The following PPM1E variants were observed in gnomAD, a reference collection of about 807,000 sequenced individuals.
PPM1E encodes the protein protein phosphatase, Mg2+/Mn2+ dependent 1E, also known as protein phosphatase 1E.
PPM1E carries 20 observed loss-of-function variants against 65.9 expected under a neutral mutation model. The observed-to-expected ratio is 0.30, with a 90% CI of 0.21 to 0.44. PPM1E has a LOEUF of 0.44. PPM1E is among the 20% of genes least tolerant of loss of function. The pLI, the probability that PPM1E is intolerant of heterozygous loss-of-function variation, is 1.00. For missense variants in PPM1E, 713 were observed against 953.1 expected (o/e 0.75, Z 3.32); for synonymous variants, 352 against 374.9 (o/e 0.94, Z 0.70).
chr17:58,881,425 A>C (rs553909936), intron 1 of PPM1E, among the ~76,000 whole-genome samples: 12 of 152,294 alleles, frequency 7.9e-5, no homozygotes, highest in Admixed American at 5.2e-4. Context: ...GCACTTTAGA[A>C]GGCCGAGGTG....
At chr17:58,976,931 TA>T (rs1228248972) in intron 6 of PPM1E, among the ~76,000 whole-genome samples, 1 of 152,152 alleles carries the variant, frequency 6.6e-6, no homozygotes, top group Non-Finnish European at 1.5e-5. Context: ...TCAGGTAGAA[TA>T]GGGGATGGGA....
At chr17:58,845,056 T>C (rs2143234920) in intron 1 of PPM1E, among the ~76,000 whole-genome samples, 1 of 152,376 alleles carries the variant, frequency 6.6e-6, no homozygotes, top group East Asian at 1.9e-4. Context: ...TCCTCCATTA[T>C]GGTAAGCTTT....
chr17:58,837,963 C>T (rs769246954), intron 1 of PPM1E, among the ~76,000 whole-genome samples: 8 of 152,184 alleles, frequency 5.3e-5, no homozygotes, highest in African/African-American at 1.2e-4. Flanking sequence ...CTGACAATAA[C>T]GTGTTGATAA....
chr17:58,837,119 G>A (rs1022588383), intron 1 of PPM1E, among the ~76,000 whole-genome samples: 1 of 150,916 alleles, frequency 6.6e-6, no homozygotes, highest in East Asian at 2.0e-4. Context: ...GCGCATGCCT[G>A]TAGTCTTAGC....
intron 1 of PPM1E, among the ~76,000 whole-genome samples, chr17:58,844,696 T>C (rs2050754390): frequency 6.6e-6 from 1 of 152,264 alleles, no homozygotes; most frequent in African/African-American, 2.4e-5. Context: ...TTGAGTCTTC[T>C]ACTTAGAGTC....
intron 1 of PPM1E, among the ~76,000 whole-genome samples, chr17:58,805,993 AACAAAAC>A (rs1567838957): frequency 3.1e-4 from 37 of 120,598 alleles, no homozygotes; most frequent in East Asian, 1.2e-3. Flanking sequence ...AACAAAACAA[AACAAAAC>A]AAAAAAAAAA....
intron 1 of PPM1E, among the ~76,000 whole-genome samples, chr17:58,760,440 C>G (rs1204841765): frequency 1.3e-5 from 2 of 152,092 alleles, no homozygotes; most frequent in African/African-American, 4.8e-5. Context: ...CTGACTTCTC[C>G]TTTCACCTCT....
chr17:58,877,171 A>G (rs892488317), intron 1 of PPM1E, among the ~76,000 whole-genome samples: 2 of 152,212 alleles, frequency 1.3e-5, no homozygotes, highest in Non-Finnish European at 2.9e-5. Flanking sequence ...TAGACATAAA[A>G]TGTTTTGCTT....
At chr17:58,807,164 T>A (rs2050324013) in intron 1 of PPM1E, among the ~76,000 whole-genome samples, 1 of 152,202 alleles carries the variant, frequency 6.6e-6, no homozygotes, top group Non-Finnish European at 1.5e-5. Context: ...AGATTTAATA[T>A]GTTATTCTCT....
In PPM1E at chr17:58,756,027, T is replaced by C. The variant is rs1567824181; in HGVS notation, c.30T>C (p.Thr10=). The change falls in exon 1 of 7, where the codon ACT becomes ACC. Residue 10 remains threonine (T), a synonymous_variant. Transcript: ENST00000308249. ...CCGGCTGCATCCCTGAGGAGAAAAC[T>C]TACCGGCGCTTCCTGGAGCTATTCC... The part of the protein sequence containing the change: MAGCIPEEK[T]YRRFLELFLG... The C allele has an allele frequency of 1.2e-6, 2 of 1,613,878 alleles. No individual in the cohort carries two copies. Among genetic ancestry groups the C allele is most frequent in the Non-Finnish European group, 1.7e-6 (2 of 1,179,918 alleles).
intron 1 of PPM1E, among the ~76,000 whole-genome samples, chr17:58,829,577 A>G (rs2050577833): frequency 6.6e-6 from 1 of 152,044 alleles, no homozygotes; most frequent in African/African-American, 2.4e-5. Context: ...CGTGCTGTAT[A>G]CCTTCTGTAC....
chr17:58,873,160 T>G (rs907680420), intron 1 of PPM1E, among the ~76,000 whole-genome samples: 9 of 152,174 alleles, frequency 5.9e-5, no homozygotes, highest in African/African-American at 2.2e-4. Context: ...ATAGATAAAT[T>G]TTCATAACTC....
At chr17:58,839,037 T>C (rs2050691046) in intron 1 of PPM1E, among the ~76,000 whole-genome samples, 1 of 137,096 alleles carries the variant, frequency 7.3e-6, no homozygotes, top group African/African-American at 2.8e-5. Flanking sequence ...GAGGGATGAA[T>C]AGGTGAAGCA....
chr17:58,824,243 T>G (rs1367319406), intron 1 of PPM1E, among the ~76,000 whole-genome samples: 1 of 151,924 alleles, frequency 6.6e-6, no homozygotes, highest in East Asian at 1.9e-4. Context: ...ATTTAAAACT[T>G]TTTTTCTCAT....
At chr17:58,841,341 C>T (rs1398045569) in intron 1 of PPM1E, among the ~76,000 whole-genome samples, 1 of 152,016 alleles carries the variant, frequency 6.6e-6, no homozygotes, top group Non-Finnish European at 1.5e-5. Context: ...GGAATAACTT[C>T]ATGGGAGAGA....
chr17:58,773,325 G>A (rs1029813552), intron 1 of PPM1E, among the ~76,000 whole-genome samples: 3 of 152,048 alleles, frequency 2.0e-5, no homozygotes, highest in Admixed American at 6.6e-5. Flanking sequence ...TAACTTTTCC[G>A]TGTTTGAAGG....
intron 1 of PPM1E, among the ~76,000 whole-genome samples, chr17:58,934,708 C>T (rs1423006072): frequency 6.6e-6 from 1 of 152,090 alleles, no homozygotes; most frequent in Non-Finnish European, 1.5e-5. Context: ...GGGTGGATCG[C>T]TTGAGGTCAG....
intron 1 of PPM1E, among the ~76,000 whole-genome samples, chr17:58,941,241 A>G (rs767978641): frequency 6.6e-6 from 1 of 152,230 alleles, no homozygotes; most frequent in Non-Finnish European, 1.5e-5. Flanking sequence ...AACATTGTTT[A>G]TAAAGCATTT....
intron 1 of PPM1E, among the ~76,000 whole-genome samples, chr17:58,785,117 G>A (rs555311515): frequency 9.2e-5 from 14 of 151,954 alleles, no homozygotes; most frequent in African/African-American, 3.4e-4. Flanking sequence ...TTTCATTTAG[G>A]TCTAAGATTT....
Sources: allele counts gnomAD v4.1 joint callset (sites outside exome capture counted in the v4.1 genomes callset), GRCh38; gene constraint gnomAD v4.1.1; transcripts MANE v1.5; gene names NCBI Gene and HGNC (gene_info 2026-07-23, HGNC 2026-07-21).